TRPC6: variants seen among roughly 807,000 people sequenced by gnomAD.
The protein encoded by TRPC6 is short transient receptor potential channel 6.
In TRPC6, 55 loss-of-function variants were observed where a neutral mutation model predicts 90.7. That is an observed-to-expected ratio of 0.61 (90% CI 0.49 to 0.76). The LOEUF (loss-of-function observed/expected upper bound fraction) is 0.76. Among genes scored for constraint, TRPC6 ranks in the 30% least tolerant of loss-of-function variants. The pLI is 0.00. For synonymous variants in TRPC6, 393 were observed against 393.0 expected (o/e 1.00, Z 0.00); for missense variants, 989 against 1,122.7 (o/e 0.88, Z 1.70).
At chr11:101,559,642 T>TTC (rs963120814) in intron 1 of TRPC6, among the ~76,000 whole-genome samples, 1 of 152,112 alleles carries the variant, frequency 6.6e-6, no homozygotes, top group African/African-American at 2.4e-5. Context: ...TTTCTTTTTT[T>TTC]TTTTATTATA....
chr11:101,491,724 T>G lies in TRPC6; in HGVS notation c.960A>C (p.Lys320Asn). 1.9e-6 allele frequency: 3 copies of G among 1,613,824 alleles called. No homozygotes were observed. The highest frequency in any genetic ancestry group is 2.5e-6 in the Non-Finnish European group (3 of 1,179,946). Reference protein sequence around the residue: ...IEKEFKNDYKKLSMQCKDFVV... With the variant: ...IEKEFKNDYKNLSMQCKDFVV... The stretch of plus-strand genomic sequence containing the variant: ...CAAAGTCTTTGCACTGCATTGACAG[T>G]TTTTTGTAGTCATTCTAGGAAAAAC... Residue 320 changes from lysine to asparagine, a missense_variant, in exon 3 of 13, where the codon AAA becomes AAC. By Grantham distance (94) the Lys-to-Asn change is moderately conservative (BLOSUM62 0). This residue lies in a region of TRPC6 where 486 missense variants were observed against 591.9 expected (regional missense o/e 0.82). Coordinates refer to ENST00000344327, the MANE Select transcript of TRPC6 (RefSeq NM_004621.6).
intron 1 of TRPC6, among the ~76,000 whole-genome samples, chr11:101,534,300 T>G (rs1309147116): frequency 6.6e-6 from 1 of 152,170 alleles, no homozygotes; most frequent in Non-Finnish European, 1.5e-5. Context: ...CATGCCTGGC[T>G]AATTTTTGTA....
At chr11:101,566,553 T>A (rs1467557214) in intron 1 of TRPC6, among the ~76,000 whole-genome samples, 1 of 152,194 alleles carries the variant, frequency 6.6e-6, no homozygotes, top group African/African-American at 2.4e-5. Flanking sequence ...AGATCAAGAA[T>A]ATATCACCCA....
intron 1 of TRPC6, among the ~76,000 whole-genome samples, chr11:101,576,231 C>A (rs117064153): frequency 0.019 from 2,840 of 152,208 alleles, 42 homozygotes; most frequent in Non-Finnish European, 0.028. Context: ...AGAAAAGAAC[C>A]TGCTACAGAA....
chr11:101,464,118 G>A (rs1345201922), intron 10 of TRPC6, among the ~76,000 whole-genome samples: 1 of 151,960 alleles, frequency 6.6e-6, no homozygotes, highest in Non-Finnish European at 1.5e-5. Context: ...GTGCGGTTTT[G>A]AGTTAATTTC....
Position 101,476,401 on chromosome 11 carries a change from A to G in TRPC6, c.1644T>C (p.Phe548=). Residue 548 remains phenylalanine, a synonymous_variant, in exon 6 of 13, where the codon TTT becomes TTC. Coordinates refer to ENST00000344327, the MANE Select transcript of TRPC6 (RefSeq NM_004621.6). ...TGCTCTGGGCTTTGGAAGCATGCCA[A>G]AATGCCATGAATCTCGCAATGAATG... ...AASFIARFMA[F]WHASKAQSII... 3 of 1,614,140 alleles carry G rather than the reference A, an allele frequency of 1.9e-6. No individual in the cohort carries two copies. Among genetic ancestry groups the G allele is most frequent in the Non-Finnish European group, 2.5e-6 (3 of 1,180,014 alleles).
At chr11:101,554,836 C>G (rs1262867737) in intron 1 of TRPC6, among the ~76,000 whole-genome samples, 1 of 152,082 alleles carries the variant, frequency 6.6e-6, no homozygotes, top group African/African-American at 2.4e-5. Context: ...CAATCCCAGC[C>G]CTATTTCCTT....
At chr11:101,537,645 T>A (rs1178466723) in intron 1 of TRPC6, among the ~76,000 whole-genome samples, 1 of 152,214 alleles carries the variant, frequency 6.6e-6, no homozygotes, top group Non-Finnish European at 1.5e-5. Context: ...ACAGTTAATC[T>A]GCACCCTTTC....
intron 1 of TRPC6, among the ~76,000 whole-genome samples, chr11:101,563,828 C>T (rs1861769310): frequency 6.6e-6 from 1 of 152,174 alleles, no homozygotes; most frequent in Non-Finnish European, 1.5e-5. Context: ...GCCTCCGCAT[C>T]TGTCTACCCA....
At chr11:101,491,162 C>T in intron 3 of TRPC6, among the ~76,000 whole-genome samples, 1 of 152,110 alleles carries the variant, frequency 6.6e-6, no homozygotes, top group East Asian at 1.9e-4. Context: ...ATTAGAAAAT[C>T]CTAACCGGGT....
intron 10 of TRPC6, among the ~76,000 whole-genome samples, chr11:101,460,415 T>C (rs1858978791): frequency 6.6e-6 from 1 of 152,214 alleles, no homozygotes; most frequent in Admixed American, 6.5e-5. Context: ...AACTGATAAA[T>C]ATTGTTATAC....
Position 101,504,479 on chromosome 11 carries a change from C to T in TRPC6, c.490G>A (p.Ala164Thr), listed in dbSNP as rs920999461. ...KKENLSRVGD[A>T]LLLAISKGYV... ...CCTTTACTAATAGCTAGAAGCAAAGCATCCCCAACTCGAGAGAGGTTTTCT... is the reference window on the plus strand; with the variant it reads ...CCTTTACTAATAGCTAGAAGCAAAGTATCCCCAACTCGAGAGAGGTTTTCT... Residue 164 changes from alanine to threonine, a missense_variant, in exon 2 of 13, where the codon GCT (alanine) becomes ACT (threonine). By Grantham distance (58) the Ala-to-Thr change is moderately conservative. This residue lies in a region of TRPC6 where 486 missense variants were observed against 591.9 expected (regional missense o/e 0.82). Coordinates refer to ENST00000344327, the MANE Select transcript of TRPC6 (RefSeq NM_004621.6). The T allele has an allele frequency of 5.0e-6, 8 of 1,614,010 alleles. No homozygotes were observed. The highest frequency in any genetic ancestry group is 1.3e-5 in the African/African-American group (1 of 74,930).
At chr11:101,490,754 C>A (rs1859785534) in intron 3 of TRPC6, among the ~76,000 whole-genome samples, 1 of 152,158 alleles carries the variant, frequency 6.6e-6, no homozygotes, top group South Asian at 2.1e-4. Flanking sequence ...TTGTGCCCGG[C>A]CAGCTTTTTA....
intron 1 of TRPC6, among the ~76,000 whole-genome samples, chr11:101,582,863 C>CG (rs1862228758): frequency 6.6e-6 from 1 of 152,116 alleles, no homozygotes; most frequent in Admixed American, 6.5e-5. Context: ...TGGAGACCGC[C>CG]GGGCGCACCC....
intron 5 of TRPC6, among the ~76,000 whole-genome samples, chr11:101,479,085 C>T (rs11224782): frequency 0.29 from 43,959 of 152,070 alleles, 7,927 homozygotes; most frequent in African/African-American, 0.51. Flanking sequence ...CCTCACCCTC[C>T]AGGGTAAGCT....
chr11:101,583,430 C>T lies in TRPC6; in HGVS notation c.74G>A (p.Arg25His). Reference sequence around the variant, plus strand: ...GAGCAGATAGTCCTGGCTCTCGTTGCGCCGCGCAGCGGCTCCGGCAGCGCC... The same window carrying T: ...GAGCAGATAGTCCTGGCTCTCGTTGTGCCGCGCAGCGGCTCCGGCAGCGCC... ...PRGAAGAAAR[R>H]NESQDYLLMD... Residue 25 changes from arginine (R) to histidine (H), a missense_variant, in exon 1 of 13, where the codon CGC becomes CAC. Arg to His is a conservative substitution (Grantham distance 29). Transcript: ENST00000344327. The T allele has an allele frequency of 6.4e-7, 1 of 1,554,912 alleles. No individual in the cohort carries two copies. Among genetic ancestry groups the T allele is most frequent in the African/African-American group, 1.4e-5 (1 of 72,672 alleles).
At position 101,476,476 on chromosome 11, in the gene TRPC6, A is replaced by C; in HGVS notation, c.1569T>G (p.Phe523Leu). Residue 523 changes from phenylalanine to leucine, a missense_variant, in exon 6 of 13, where the codon TTT (phenylalanine) becomes TTG (leucine). By Grantham distance (22) the Phe-to-Leu change is conservative. Around this residue, in one of 4 missense-constraint regions of TRPC6, gnomAD observed 486 missense variants for 591.9 expected, o/e 0.82. Coordinates refer to ENST00000344327, the MANE Select transcript of TRPC6 (RefSeq NM_004621.6). ...CAAAATCAAGCATGTTCCACAACTC[A>C]AACAAATATTCCTTGGGGCCCTGAG... ...IWTQGPKEYL[F>L]ELWNMLDFGM... is the part of the protein sequence containing the mutation. 2 of 1,614,162 alleles carry C rather than the reference A, an allele frequency of 1.2e-6. No homozygotes were observed. The highest frequency in any genetic ancestry group is 2.7e-5 in the African/African-American group (2 of 75,052).
chr11:101,521,961 C>A (rs1033675197), intron 1 of TRPC6, among the ~76,000 whole-genome samples: 1 of 152,092 alleles, frequency 6.6e-6, no homozygotes, highest in Admixed American at 6.6e-5. Flanking sequence ...TTTTTGTTTA[C>A]TTTACAGGCT....
chr11:101,499,688 A>G (rs1860049126), intron 2 of TRPC6, among the ~76,000 whole-genome samples: 1 of 131,976 alleles, frequency 7.6e-6, no homozygotes, highest in Non-Finnish European at 1.6e-5. Flanking sequence ...TATACACAAT[A>G]TAAAATGTGT....
Sources: allele counts gnomAD v4.1 joint callset (sites outside exome capture counted in the v4.1 genomes callset), GRCh38; gene constraint gnomAD v4.1.1; regional missense constraint gnomAD v4.1.1; transcripts MANE v1.5; gene names NCBI Gene and HGNC (gene_info 2026-07-23, HGNC 2026-07-21).